The following SRSF11 variants were observed in gnomAD, a reference collection of about 807,000 sequenced individuals.
SRSF11 encodes serine/arginine-rich splicing factor 11.
A neutral mutation model predicts 56.0 loss-of-function variants in SRSF11; 9 were observed. The ratio of observed to expected loss-of-function variants is 0.16; its 90% CI spans 0.10 to 0.28. SRSF11 has a LOEUF of 0.28. Ranked by LOEUF, SRSF11 falls within the 10% of genes least tolerant of loss-of-function variation. The pLI, the probability that SRSF11 is intolerant of heterozygous loss-of-function variation, is 1.00. For synonymous variants in SRSF11, 222 were observed against 215.3 expected (o/e 1.03, Z -0.27); for missense variants, 421 against 600.7 (o/e 0.70, Z 3.13).
chr1:70,249,445 A>G (rs1179699766), intron 9 of SRSF11: 1 of 152,296 alleles, frequency 6.6e-6, no homozygotes, highest in Non-Finnish European at 1.5e-5. Context: ...TAAAAGAATT[A>G]CTAGAAATTA....
chr1:70,229,113 T>G (rs1672411148), intron 2 of SRSF11: 1 of 1,210,394 alleles, frequency 8.3e-7, no homozygotes, highest in Non-Finnish European at 1.1e-6. Flanking sequence ...GGTGTTTTAT[T>G]TTATGCCAGA....
In SRSF11 at chr1:70,221,593, T is replaced by C; in HGVS notation, c.-44T>C. ...TCCCCCTCCTTCTCACTGTTTGTTG[T>C]GTGTTTGATGTGTTAAAGCAGGAGC... is the stretch of plus-strand genomic sequence containing the variant. On this transcript the variant is annotated 5_prime_UTR_variant, in exon 1 of 12. Transcript: ENST00000370949. 1 of 1,569,086 alleles carries C rather than the reference T, an allele frequency of 6.4e-7. No homozygotes were observed. Among genetic ancestry groups the C allele is most frequent in the South Asian group, 1.2e-5 (1 of 84,160 alleles).
At chr1:70,224,347 G>A (rs1018873383) in intron 1 of SRSF11, among the ~76,000 whole-genome samples, 1 of 151,954 alleles carries the variant, frequency 6.6e-6, no homozygotes, top group African/African-American at 2.4e-5. Context: ...TTATTTTTCC[G>A]ATGTCACCTT....
At chr1:70,226,132 G>A (rs1035475716) in intron 1 of SRSF11, among the ~76,000 whole-genome samples, 10 of 151,810 alleles carry the variant, frequency 6.6e-5, no homozygotes, top group African/African-American at 1.7e-4. Flanking sequence ...TGGAGGTTGC[G>A]GTGAGCCGAG....
chr1:70,236,522 G>A (rs1427541404), intron 5 of SRSF11, among the ~76,000 whole-genome samples: 2 of 151,678 alleles, frequency 1.3e-5, no homozygotes, highest in African/African-American at 4.8e-5. Flanking sequence ...AGTAGAGACG[G>A]GGTTTCACCG....
At chr1:70,224,169 T>G (rs1671253126) in intron 1 of SRSF11, among the ~76,000 whole-genome samples, 1 of 152,180 alleles carries the variant, frequency 6.6e-6, no homozygotes, top group African/African-American at 2.4e-5. Context: ...TCCCCCTCCC[T>G]GCATCATGTT....
chr1:70,241,732 C>G (rs1675449746), intron 7 of SRSF11, among the ~76,000 whole-genome samples: 1 of 152,224 alleles, frequency 6.6e-6, no homozygotes, highest in Admixed American at 6.5e-5. Flanking sequence ...TTGAGGAACT[C>G]CTTTTTCTTT....
At chr1:70,229,005 A>G in intron 2 of SRSF11, 1 of 985,186 alleles carries the variant, frequency 1.0e-6, no homozygotes, top group Non-Finnish European at 1.2e-6. Context: ...CTGGAAAAAA[A>G]AAAAACACAT....
chr1:70,207,929 T>G (rs1390692173), intron 1 of SRSF11, among the ~76,000 whole-genome samples: 3 of 152,064 alleles, frequency 2.0e-5, no homozygotes, highest in African/African-American at 7.2e-5. Flanking sequence ...AAGGCTGGTC[T>G]TGAACTCCTG....
At chr1:70,232,520 A>G (rs938755497) in intron 3 of SRSF11, 143 bp downstream of exon 3, 17 of 623,694 alleles carry the variant, frequency 2.7e-5, no homozygotes, top group Middle Eastern at 3.7e-4. Flanking sequence ...CACAAATAGT[A>G]TAGAAGATCT....
intron 8 of SRSF11, 93 bp downstream of exon 8, chr1:70,244,908 C>A: frequency 1.6e-6 from 2 of 1,283,274 alleles, no homozygotes; most frequent in Non-Finnish European, 2.2e-6. Context: ...GGGTGCGGGG[C>A]AGAGAAATAG....
chr1:70,252,619 A>G lies in SRSF11; in HGVS notation c.*1814A>G, dbSNP rs2101059728. 6.6e-6 allele frequency: 1 copy of G among 152,246 alleles called. No individual in the cohort carries two copies. Among genetic ancestry groups the G allele is most frequent in the African/African-American group, 2.4e-5 (1 of 41,544 alleles). 9.4% of individuals were successfully genotyped at this position (152,246 alleles called of 1,614,324 possible). A position where few individuals can be genotyped will look rare whatever the true frequency, so the allele number is the denominator to read the frequency against. On this transcript the variant is annotated 3_prime_UTR_variant, in exon 12 of 12. Transcript: ENST00000370949. ...TCTATAGTGAGTAAAAGAAGTTCTA[A>G]TAATGGTCCTAATCACTGCATTTTT... is the stretch of plus-strand genomic sequence containing the variant.
At chr1:70,230,361 G>C in intron 2 of SRSF11, 1 of 1,071,122 alleles carries the variant, frequency 9.3e-7, no homozygotes, top group Non-Finnish European at 1.1e-6. Context: ...TTACACTTCG[G>C]TGTTAGCTCT....
At chr1:70,207,334 T>G (rs1275354549) in intron 1 of SRSF11, among the ~76,000 whole-genome samples, 1 of 152,164 alleles carries the variant, frequency 6.6e-6, no homozygotes, top group Non-Finnish European at 1.5e-5. Flanking sequence ...TGTTTGCTAT[T>G]TCTTATTTAA....
At position 70,212,260 on chromosome 1, in the gene SRSF11, TA is replaced by T. The variant is rs549714269; in HGVS notation, c.-26+6481del. On this transcript the variant is annotated intron_variant, in intron 1 of 12. Coordinates refer to the SRSF11 transcript ENST00000370950. Reference sequence around the variant, plus strand: ...TTTAATTAATTAATTAATTAATACTTATTTTTTTATTTTTGAGATGCAGTCT... The same window carrying T: ...TTTAATTAATTAATTAATTAATACTTTTTTTTTATTTTTGAGATGCAGTCT... 2.4e-4 allele frequency among the ~76,000 whole-genome samples: 36 copies of T among 152,286 alleles called. No individual in the cohort carries two copies. In the East Asian group the frequency reaches 2.5e-3, roughly 11 times the overall value.
intron 5 of SRSF11, 70 bp downstream of exon 5, chr1:70,235,620 A>C: frequency 6.9e-7 from 1 of 1,442,094 alleles, no homozygotes; most frequent in South Asian, 1.3e-5. Flanking sequence ...AGTTTTTTTG[A>C]TAGCTTATAA....
intron 7 of SRSF11, among the ~76,000 whole-genome samples, chr1:70,244,474 G>A (rs1435288155): frequency 6.6e-6 from 1 of 152,118 alleles, no homozygotes; most frequent in Non-Finnish European, 1.5e-5. Flanking sequence ...ATCATTAAAA[G>A]GTGAGGAATT....
upstream of SRSF11, among the ~76,000 whole-genome samples, chr1:70,221,175 T>G (rs1049631656): frequency 6.6e-6 from 1 of 151,980 alleles, no homozygotes; most frequent in Non-Finnish European, 1.5e-5. Context: ...AAAAAAAAGT[T>G]TATACGTGCC....
intron 6 of SRSF11, among the ~76,000 whole-genome samples, chr1:70,238,113 T>TTCC (rs1376663959): frequency 6.6e-6 from 1 of 152,234 alleles, no homozygotes; most frequent in Non-Finnish European, 1.5e-5. Flanking sequence ...TAAATGGGAA[T>TTCC]GTTTTTTAAT....
Sources: allele counts gnomAD v4.1 joint callset (sites outside exome capture counted in the v4.1 genomes callset), GRCh38; gene constraint gnomAD v4.1.1; transcripts MANE v1.5; gene names NCBI Gene and HGNC (gene_info 2026-07-23, HGNC 2026-07-21).